Variants in KMT2A observed in about 807,000 individuals in gnomAD.
The protein encoded by KMT2A is lysine methyltransferase 2A.
KMT2A carries 16 observed loss-of-function variants against 345.3 expected under a neutral mutation model. The ratio of observed to expected loss-of-function variants is 0.05; its 90% CI spans 0.03 to 0.07. KMT2A has a LOEUF of 0.07. Among genes scored for constraint, KMT2A ranks in the 10% least tolerant of loss-of-function variants. KMT2A has a pLI of 1.00. For missense variants in KMT2A, 3,272 were observed against 4,841.6 expected (o/e 0.68, Z 9.62); for synonymous variants, 1,599 against 1,778.6 (o/e 0.90, Z 2.54).
At chr11:118,452,273 C>G (rs1949555171) in intron 1 of KMT2A, among the ~76,000 whole-genome samples, 1 of 152,190 alleles carries the variant, frequency 6.6e-6, no homozygotes, top group Non-Finnish European at 1.5e-5. Context: ...TGGTGGCTCA[C>G]ACCTGTAATG....
chr11:118,480,837 A>G (rs1359957300), intron 6 of KMT2A, among the ~76,000 whole-genome samples: 1 of 151,912 alleles, frequency 6.6e-6, no homozygotes, highest in Admixed American at 6.6e-5. Flanking sequence ...TAATTTTTGT[A>G]AATTTTTTTT....
chr11:118,440,368 C>T (rs1260483718), intron 1 of KMT2A, among the ~76,000 whole-genome samples: 2 of 152,120 alleles, frequency 1.3e-5, no homozygotes. Context: ...TTCCCCTTCC[C>T]TCTGTAGTGT....
rs536324387 is a variant in KMT2A at position 118,483,498 on chromosome 11, A to T, written c.4087-685A>T. Among the ~76,000 whole-genome samples, 6 of 152,182 alleles carry T rather than the reference A, an allele frequency of 3.9e-5. No individual in the cohort carries two copies. The East Asian group carries it at 9.7e-4, about 25-fold the overall frequency. On this transcript the variant is annotated intron_variant, in intron 8 of 35. Transcript: ENST00000534358. ...CAGTGAGCCGAGATCGCGCCACTGC[A>T]CTCCAGCTTGGGTGACACCGAGACT...
At chr11:118,451,421 C>T (rs1784242) in intron 1 of KMT2A, among the ~76,000 whole-genome samples, 1 of 151,172 alleles carries the variant, frequency 6.6e-6, no homozygotes, top group African/African-American at 2.4e-5. Context: ...AGAGTCTTGC[C>T]CTGTCACCCA....
chr11:118,499,268 C>A, intron 22 of KMT2A, 35 bp from the exon 23 acceptor site: 1 of 1,276,688 alleles, frequency 7.8e-7, no homozygotes, highest in Non-Finnish European at 1.1e-6. Flanking sequence ...TGCAAAGGGA[C>A]AGCCTATTAA....
rs1950987709 is a variant in KMT2A, at chr11:118,522,311, T to C, written c.*139T>C. The C allele has an allele frequency of 6.9e-6, 5 of 726,028 alleles. No homozygotes were observed. The highest frequency in any genetic ancestry group is 9.1e-6 in the Non-Finnish European group (4 of 438,410). The allele number at this position is 726,028 out of a possible 1,614,324, so 45.0% of individuals were successfully genotyped here. ...CCTCTGTGATGGCTGAGCTCTCTTATGTCCTATACTCACATCAGACATGTG... is the reference window on the plus strand; with the variant it reads ...CCTCTGTGATGGCTGAGCTCTCTTACGTCCTATACTCACATCAGACATGTG... On this transcript the variant is annotated 3_prime_UTR_variant, in exon 36 of 36. Coordinates refer to ENST00000534358, the MANE Select transcript of KMT2A (RefSeq NM_001197104.2). The surrounding 1 kb of genome is among the most constrained non-coding windows in gnomAD (Gnocchi z 5.4).
Position 118,505,831 on chromosome 11 carries a change from T to G in KMT2A, c.9939T>G (p.Ala3313=), listed in dbSNP as rs370196316. ...TACCACAGAGTGTGGGAGGAACTGCTGCCACAGCGGCAGGCACATCAACAA... is the reference window on the plus strand; with the variant it reads ...TACCACAGAGTGTGGGAGGAACTGCGGCCACAGCGGCAGGCACATCAACAA... ...PLLPQSVGGT[A]ATAAGTSTIS... Residue 3313 remains alanine, a synonymous_variant, in exon 27 of 36, where the codon GCT becomes GCG. Coordinates refer to ENST00000534358, the MANE Select transcript of KMT2A (RefSeq NM_001197104.2). This position sits in a 1 kb window ranked among gnomAD's most constrained non-coding sequence, Gnocchi z 4.6. The G allele has an allele frequency of 1.9e-6, 3 of 1,614,082 alleles. No individual in the cohort carries two copies. The African/African-American group carries it at 4.0e-5, about 22-fold the overall frequency.
In KMT2A at chr11:118,498,290, G is replaced by A. The variant is rs1950442513; in HGVS notation, c.5803-80G>A. 1 of 1,321,504 alleles carries A rather than the reference G, an allele frequency of 7.6e-7. No individual in the cohort carries two copies. Among genetic ancestry groups the A allele is most frequent in the Non-Finnish European group, 1.0e-6 (1 of 957,904 alleles). 81.9% of individuals were successfully genotyped at this position (1,321,504 alleles called of 1,614,324 possible). A position where few individuals can be genotyped will look rare whatever the true frequency, so the allele number is the denominator to read the frequency against. On this transcript the variant is annotated intron_variant, in intron 21 of 35. Transcript: ENST00000534358. The surrounding 1 kb of genome is among the most constrained non-coding windows in gnomAD (Gnocchi z 4.4). ...ATGAATTGTAGGAACTGTAGAATGG[G>A]ATGAGTCTATAGAGGAGACGGTAAA...
intron 30 of KMT2A, among the ~76,000 whole-genome samples, chr11:118,511,049 G>A (rs1157212810): frequency 6.6e-6 from 1 of 152,152 alleles, no homozygotes; most frequent in Non-Finnish European, 1.5e-5. Context: ...TAGGGCACAG[G>A]TTTTAGAGGG....
rs190193631 is a variant in KMT2A at position 118,476,047 on chromosome 11, G to A, written c.3157-758G>A. 3.3e-5 allele frequency among the ~76,000 whole-genome samples: 5 copies of A among 152,026 alleles called. No homozygotes were observed. The highest frequency in any genetic ancestry group is 9.6e-5 in the African/African-American group (4 of 41,484). ...CAGCCTCCCAAGTAGCTGGGATTAC[G>A]GGCATGCACCACCACGCCCAGCTAA... On this transcript the variant is annotated intron_variant, in intron 3 of 35. Transcript: ENST00000534358. The surrounding 1 kb of genome is among the most constrained non-coding windows in gnomAD (Gnocchi z 4.1).
chr11:118,477,287 C>G (rs1950053827), intron 4 of KMT2A, among the ~76,000 whole-genome samples: 2 of 152,030 alleles, frequency 1.3e-5, no homozygotes, highest in Non-Finnish European at 2.9e-5. Context: ...GCAAAGCTGT[C>G]CAGGAGTCTT....
At chr11:118,512,512 A>T (rs1555050390) in intron 31 of KMT2A, 1 of 157,924 alleles carries the variant, frequency 6.3e-6, no homozygotes, top group Middle Eastern at 3.0e-3. Context: ...TTGTGTAGAT[A>T]TACCATATGT....
At chr11:118,462,922 G>A (rs1555033155) in intron 1 of KMT2A, among the ~76,000 whole-genome samples, 1 of 151,898 alleles carries the variant, frequency 6.6e-6, no homozygotes, top group African/African-American at 2.4e-5. Context: ...ACGAATTAAT[G>A]CTTCCTGTCA....
At chr11:118,486,465 C>A (rs1950231837) in intron 10 of KMT2A, among the ~76,000 whole-genome samples, 1 of 151,616 alleles carries the variant, frequency 6.6e-6, no homozygotes, top group Non-Finnish European at 1.5e-5. Flanking sequence ...AAATAGGAAG[C>A]AGTAGTTTGT....
rs1457422694 is a variant in KMT2A at position 118,496,120 on chromosome 11, T to A, written c.5558-141T>A. 1.4e-6 allele frequency: 1 copy of A among 728,100 alleles called. No individual in the cohort carries two copies. 45.1% of individuals were successfully genotyped at this position (728,100 alleles called of 1,614,324 possible). On this transcript the variant is annotated intron_variant, in intron 19 of 35. Transcript: ENST00000534358. The surrounding 1 kb of genome is among the most constrained non-coding windows in gnomAD (Gnocchi z 4.7). ...CATAGATGATGAGGTAGCGTAACTC[T>A]GAACACTTTTTGAAAAGTGGTTATT... is the stretch of plus-strand genomic sequence containing the variant.
At position 118,503,005 on chromosome 11, in the gene KMT2A, A is replaced by C. The variant is rs782490618; in HGVS notation, c.7113A>C (p.Pro2371=). Residue 2371 remains proline (P), a synonymous_variant, in exon 27 of 36, where the codon CCA becomes CCC. Transcript: ENST00000534358. This position sits in a 1 kb window ranked among gnomAD's most constrained non-coding sequence, Gnocchi z 5.3. ...CTTCTAAAGAGGCCCTCTCCTTCCC[A>C]CACCTCCATTTGAGAGGGCAAAGGA... ...SFSSKEALSF[P]HLHLRGQRND... 1 of 1,613,948 alleles carries C rather than the reference A, an allele frequency of 6.2e-7. No homozygotes were observed. The highest frequency in any genetic ancestry group is 8.5e-7 in the Non-Finnish European group (1 of 1,180,004).
At position 118,502,843 on chromosome 11, in the gene KMT2A, G is replaced by C; in HGVS notation, c.6951G>C (p.Lys2317Asn). ...AGAAGACCAAAGTGCTGAGTTCCAA[G>C]AGCTCAGAGGGATCTGCACATAATG... is the stretch of plus-strand genomic sequence containing the variant. ...KGEKTKVLSS[K>N]SSEGSAHNVA... The change falls in exon 27 of 36, where the codon AAG (lysine) becomes AAC (asparagine). Residue 2317 changes from lysine to asparagine, a missense_variant. This residue lies in a region of KMT2A where 445 missense variants were observed against 500.9 expected (regional missense o/e 0.89). Coordinates refer to ENST00000534358, the MANE Select transcript of KMT2A (RefSeq NM_001197104.2). The surrounding 1 kb of genome is among the most constrained non-coding windows in gnomAD (Gnocchi z 4.9). 4.3e-6 allele frequency: 7 copies of C among 1,614,192 alleles called. No homozygotes were observed. The highest frequency in any genetic ancestry group is 5.9e-6 in the Non-Finnish European group (7 of 1,180,038).
At chr11:118,450,928 T>C (rs951733240) in intron 1 of KMT2A, among the ~76,000 whole-genome samples, 1 of 152,216 alleles carries the variant, frequency 6.6e-6, no homozygotes, top group East Asian at 1.9e-4. Flanking sequence ...TATACTTTTC[T>C]TACTGATTGA....
intron 1 of KMT2A, among the ~76,000 whole-genome samples, chr11:118,461,669 T>C (rs1365759281): frequency 6.6e-6 from 1 of 152,226 alleles, no homozygotes; most frequent in Non-Finnish European, 1.5e-5. Context: ...TAGTCATGTA[T>C]AGCATGATGT....
Sources: allele counts gnomAD v4.1 joint callset (sites outside exome capture counted in the v4.1 genomes callset), GRCh38; gene constraint gnomAD v4.1.1; regional missense constraint gnomAD v4.1.1; non-coding constraint Gnocchi (gnomAD v3.1); transcripts MANE v1.5; gene names NCBI Gene and HGNC (gene_info 2026-07-23, HGNC 2026-07-21).